The following RBFOX1 variants were observed in gnomAD, a reference collection of about 807,000 sequenced individuals.
The protein encoded by RBFOX1 is RNA binding protein fox-1 homolog 1.
RBFOX1 carries 8 observed loss-of-function variants against 57.7 expected under a neutral mutation model. The ratio of observed to expected loss-of-function variants is 0.14; its 90% confidence interval spans 0.08 to 0.25. RBFOX1 has a LOEUF of 0.25. Among genes scored for constraint, RBFOX1 ranks in the 10% least tolerant of loss-of-function variants. RBFOX1 has a pLI of 1.00. For missense variants in RBFOX1, 611 were observed against 548.5 expected (o/e 1.11, Z -1.14); for synonymous variants, 326 against 222.4 (o/e 1.47, Z -4.15).
At chr16:5,473,980 A>G (rs144930046) in intron 2 of RBFOX1, among the ~76,000 whole-genome samples, 2 of 151,878 alleles carry the variant, frequency 1.3e-5, no homozygotes, top group East Asian at 1.9e-4. Flanking sequence ...GATGGTACAC[A>G]GATGGATAGA....
intron 3 of RBFOX1, among the ~76,000 whole-genome samples, chr16:6,787,852 T>A (rs1039120695): frequency 4.6e-5 from 7 of 152,194 alleles, no homozygotes; most frequent in African/African-American, 1.7e-4. Context: ...TCTATAAAGT[T>A]AACATAAGCG....
intron 4 of RBFOX1, among the ~76,000 whole-genome samples, chr16:7,096,654 G>T (rs1468695917): frequency 6.6e-6 from 1 of 152,038 alleles, no homozygotes; most frequent in Non-Finnish European, 1.5e-5. Context: ...GGACTGAGTT[G>T]AGCAGGTTGG....
intron 2 of RBFOX1, among the ~76,000 whole-genome samples, chr16:6,332,478 G>C (rs113618170): frequency 2.1e-4 from 32 of 152,320 alleles, no homozygotes; most frequent in Non-Finnish European, 4.3e-4. Context: ...ATTAGGGATG[G>C]CAGGAATAAT....
At chr16:6,566,710 C>G (rs1354173433) in intron 2 of RBFOX1, among the ~76,000 whole-genome samples, 3 of 152,190 alleles carry the variant, frequency 2.0e-5, no homozygotes, top group Non-Finnish European at 4.4e-5. Context: ...CACTTTTCAT[C>G]TTTACTGTTC....
chr16:5,393,047 G>T lies in RBFOX1; in HGVS notation c.220-74169G>T, dbSNP rs539823. ...GAGAAGAGGTGGCTAAAAGACCTCCGAGCATGGGAACCTGGAGGCAGAAGA... is the reference window on the plus strand; with the variant it reads ...GAGAAGAGGTGGCTAAAAGACCTCCTAGCATGGGAACCTGGAGGCAGAAGA... On this transcript the variant is annotated intron_variant, in intron 1 of 2. Transcript: ENST00000585867. 1.2e-4 allele frequency among the ~76,000 whole-genome samples: 18 copies of T among 152,188 alleles called. No homozygotes were observed. In the East Asian group the frequency reaches 3.5e-3, roughly 29 times the overall value.
chr16:6,421,615 T>C (rs1467099256), intron 2 of RBFOX1, among the ~76,000 whole-genome samples: 15 of 152,220 alleles, frequency 9.9e-5, no homozygotes, highest in Non-Finnish European at 2.2e-4. Flanking sequence ...ATTCTATTTG[T>C]TCCTGCCTCC....
rs138516433 is a variant in RBFOX1 at position 6,648,309 on chromosome 16, A to G, written c.-63-6294A>G. Among the ~76,000 whole-genome samples, 481 of 147,928 alleles carry G rather than the reference A, an allele frequency of 3.3e-3. 5 individuals are homozygous for G. The highest frequency in any genetic ancestry group is 0.011 in the African/African-American group (458 of 39,854). Reference sequence around the variant, plus strand: ...CTCCTGGACTCAAACGATCCTCTGGACTCGGCCTCCCAAAGTGCTGGGATT... The same window carrying G: ...CTCCTGGACTCAAACGATCCTCTGGGCTCGGCCTCCCAAAGTGCTGGGATT... On this transcript the variant is annotated intron_variant, in intron 2 of 15. Coordinates refer to ENST00000550418, the MANE Select transcript of RBFOX1 (RefSeq NM_018723.4).
chr16:6,798,867 A>G lies in RBFOX1; in HGVS notation c.-16+144217A>G, dbSNP rs1038036242. On this transcript the variant is annotated intron_variant, in intron 3 of 15. Coordinates refer to ENST00000550418, the MANE Select transcript of RBFOX1 (RefSeq NM_018723.4). ...GGAGTGTAATTCAATCTGCAGTTTG[A>G]ACTGATGACTCTTCCTTTCTGTAGA... Among the ~76,000 whole-genome samples, 5 of 152,140 alleles carry G rather than the reference A, an allele frequency of 3.3e-5. No homozygotes were observed. The South Asian group carries it at 1.0e-3, about 32-fold the overall frequency.
At chr16:6,443,678 A>ATGAT (rs1215907935) in intron 2 of RBFOX1, among the ~76,000 whole-genome samples, 1 of 152,190 alleles carries the variant, frequency 6.6e-6, no homozygotes, top group Non-Finnish European at 1.5e-5. Context: ...TAAAACTGAA[A>ATGAT]TGATAGAGAA....
intron 11 of RBFOX1, among the ~76,000 whole-genome samples, chr16:7,635,061 G>A (rs2061545134): frequency 6.6e-6 from 1 of 152,208 alleles, no homozygotes; most frequent in Non-Finnish European, 1.5e-5. Context: ...TCCTCTTGTT[G>A]AGGGGAAAGG....
chr16:6,142,513 G>GCA (rs2096726893), intron 1 of RBFOX1, among the ~76,000 whole-genome samples: 1 of 151,958 alleles, frequency 6.6e-6, no homozygotes, highest in Non-Finnish European at 1.5e-5. Flanking sequence ...GAGCCACCAT[G>GCA]CCTGGCCAAA....
intron 3 of RBFOX1, among the ~76,000 whole-genome samples, chr16:5,736,738 C>A (rs2052589676): frequency 1.3e-5 from 2 of 151,930 alleles, no homozygotes; most frequent in East Asian, 1.9e-4. Context: ...CTCTCTCCAT[C>A]TGTGTGTGTC....
intron 3 of RBFOX1, among the ~76,000 whole-genome samples, chr16:5,671,946 A>G (rs930812018): frequency 6.6e-6 from 1 of 152,194 alleles, no homozygotes; most frequent in Non-Finnish European, 1.5e-5. Flanking sequence ...CACACTTATA[A>G]TCAGTTTTCT....
At chr16:6,563,776 A>G (rs938392090) in intron 2 of RBFOX1, among the ~76,000 whole-genome samples, 1 of 152,112 alleles carries the variant, frequency 6.6e-6, no homozygotes, top group African/African-American at 2.4e-5. Context: ...CAGTGAGCTG[A>G]GACTGAGCCA....
chr16:5,714,833 C>T (rs530489226), intron 3 of RBFOX1, among the ~76,000 whole-genome samples: 17 of 152,256 alleles, frequency 1.1e-4, no homozygotes, highest in South Asian at 6.2e-4. Flanking sequence ...GATGTGGGAA[C>T]GGGGACTTAG....
intron 5 of RBFOX1, among the ~76,000 whole-genome samples, chr16:7,539,341 G>A (rs2082302239): frequency 1.3e-5 from 2 of 152,118 alleles, no homozygotes; most frequent in African/African-American, 2.4e-5. Context: ...AGCATTCCAG[G>A]AAGAGTGAAG....
intron 4 of RBFOX1, among the ~76,000 whole-genome samples, chr16:7,256,802 C>G (rs929859570): frequency 6.6e-6 from 1 of 152,136 alleles, no homozygotes; most frequent in Admixed American, 6.5e-5. Context: ...GGACCAGTCA[C>G]CAGCTCTCTC....
chr16:6,692,391 T>C (rs776976015), intron 3 of RBFOX1, among the ~76,000 whole-genome samples: 8 of 152,154 alleles, frequency 5.3e-5, no homozygotes, highest in Non-Finnish European at 1.2e-4. Context: ...CTGGTATCTC[T>C]CCCTAGAGTT....
intron 2 of RBFOX1, among the ~76,000 whole-genome samples, chr16:6,548,669 C>T (rs188965475): frequency 1.4e-3 from 219 of 152,254 alleles, no homozygotes; most frequent in Non-Finnish European, 2.5e-3. Flanking sequence ...AGACTTCAGG[C>T]GCGGTTGAGT....
Sources: gnomAD v4.1 joint callset for allele counts (sites outside exome capture counted in the v4.1 genomes callset) on GRCh38, gnomAD v4.1.1 for gene constraint, MANE v1.5 for transcripts, NCBI Gene and HGNC (gene_info 2026-07-23, HGNC 2026-07-21) for gene names.